Variants in AK5 observed in about 807,000 individuals in gnomAD.
The protein encoded by AK5 is adenylate kinase isoenzyme 5.
AK5 carries 27 observed loss-of-function variants against 69.5 expected under a neutral mutation model. The ratio of observed to expected loss-of-function variants is 0.39; its 90% confidence interval spans 0.29 to 0.54. AK5 has a LOEUF of 0.54. Ranked by LOEUF, AK5 falls within the 20% of genes least tolerant of loss-of-function variation. The pLI is 0.71. For synonymous variants in AK5, 260 were observed against 244.4 expected (o/e 1.06, Z -0.60); for missense variants, 531 against 700.4 (o/e 0.76, Z 2.73).
At chr1:77,461,876 C>T (rs1398642053) in intron 8 of AK5, among the ~76,000 whole-genome samples, 2 of 151,884 alleles carry the variant, frequency 1.3e-5, no homozygotes, top group Non-Finnish European at 2.9e-5. Context: ...TTAGTGTTCT[C>T]ACCACAAAAA....
chr1:77,502,216 C>G (rs1434868629), intron 10 of AK5, among the ~76,000 whole-genome samples: 1 of 152,172 alleles, frequency 6.6e-6, no homozygotes, highest in African/African-American at 2.4e-5. Flanking sequence ...GTATGACATG[C>G]TATGGCCTCA....
intron 10 of AK5, among the ~76,000 whole-genome samples, chr1:77,506,036 A>C (rs1393674884): frequency 6.6e-6 from 1 of 152,216 alleles, no homozygotes; most frequent in African/African-American, 2.4e-5. Context: ...AATCTGGAAG[A>C]GGCAGGGCAC....
chr1:77,518,354 AT>A (rs1657786195), intron 10 of AK5, among the ~76,000 whole-genome samples: 3 of 152,162 alleles, frequency 2.0e-5, no homozygotes, highest in South Asian at 4.1e-4. Flanking sequence ...CTCCCGCTTC[AT>A]GGATAATCTA....
chr1:77,391,435 A>ACACATATATG (rs1229581970), intron 6 of AK5, among the ~76,000 whole-genome samples: 1 of 103,058 alleles, frequency 9.7e-6, no homozygotes, highest in African/African-American at 4.5e-5. Context: ...ATATATACAT[A>ACACATATATG]TATACATATA....
In AK5 at chr1:77,393,338, G is replaced by C. The variant is rs75842930; in HGVS notation, c.892-17643G>C. ...AGCAATTCATTTATTCACTTGCAGG[G>C]CATCTCCTTTAAGTTAGTGTCTGCT... On this transcript the variant is annotated intron_variant, in intron 6 of 13. Transcript: ENST00000354567. Among the ~76,000 whole-genome samples, 45 of 152,220 alleles carry C rather than the reference G, an allele frequency of 3.0e-4. No individual in the cohort carries two copies. In the East Asian group the frequency reaches 7.9e-3, roughly 27 times the overall value.
At chr1:77,508,594 C>T (rs1438584367) in intron 10 of AK5, among the ~76,000 whole-genome samples, 4 of 152,162 alleles carry the variant, frequency 2.6e-5, no homozygotes, top group African/African-American at 7.2e-5. Context: ...AGGCTGGGCA[C>T]GGTGGCTCTC....
intron 6 of AK5, among the ~76,000 whole-genome samples, chr1:77,380,022 G>A (rs745924400): frequency 1.3e-5 from 2 of 152,220 alleles, no homozygotes; most frequent in Non-Finnish European, 2.9e-5. Flanking sequence ...AAATCCTGAA[G>A]TGTCCCACTG....
chr1:77,475,436 T>TA (rs1491476908), intron 8 of AK5, among the ~76,000 whole-genome samples: 1 of 3,440 alleles, frequency 2.9e-4, no homozygotes, highest in Non-Finnish European at 8.5e-4. Flanking sequence ...TATATATATG[T>TA]ATATATATTA....
chr1:77,301,181 C>T (rs920723987), intron 5 of AK5, among the ~76,000 whole-genome samples: 2 of 152,160 alleles, frequency 1.3e-5, no homozygotes, highest in African/African-American at 4.8e-5. Flanking sequence ...GACTGGGCAG[C>T]TTTTTTCCTT....
At chr1:77,473,568 A>G (rs1206608543) in intron 8 of AK5, among the ~76,000 whole-genome samples, 1 of 152,146 alleles carries the variant, frequency 6.6e-6, no homozygotes, top group Non-Finnish European at 1.5e-5. Context: ...CTATGCACTG[A>G]TATTACTTCT....
chr1:77,283,740 G>A, intron 1 of AK5: 1 of 534,972 alleles, frequency 1.9e-6, no homozygotes. Flanking sequence ...AATCTTAAGA[G>A]TTGTTTTTTT....
chr1:77,400,582 CA>C (rs761232465), intron 6 of AK5, among the ~76,000 whole-genome samples: 1 of 152,112 alleles, frequency 6.6e-6, no homozygotes, highest in African/African-American at 2.4e-5. Flanking sequence ...TAGGAATAAT[CA>C]AAGTTATCTT....
chr1:77,379,726 GA>G (rs1391004080), intron 6 of AK5, among the ~76,000 whole-genome samples: 1 of 152,180 alleles, frequency 6.6e-6, no homozygotes, highest in Non-Finnish European at 1.5e-5. Context: ...TAAATGTAAG[GA>G]ACAGAAACAA....
intron 5 of AK5, among the ~76,000 whole-genome samples, chr1:77,308,759 T>C (rs1375290850): frequency 6.6e-6 from 1 of 151,792 alleles, no homozygotes; most frequent in Non-Finnish European, 1.5e-5. Context: ...TTATTGAAAA[T>C]GGAGTTCAAG....
At chr1:77,367,918 GTGATATATA>G (rs1216780438) in intron 6 of AK5, among the ~76,000 whole-genome samples, 6 of 34,104 alleles carry the variant, frequency 1.8e-4, no homozygotes, top group Non-Finnish European at 3.8e-4. Flanking sequence ...TAAAATATAT[GTGATATATA>G]TTATATATAA....
At chr1:77,498,695 T>G (rs1050176169) in intron 10 of AK5, among the ~76,000 whole-genome samples, 2 of 152,100 alleles carry the variant, frequency 1.3e-5, no homozygotes, top group East Asian at 3.9e-4. Context: ...AGGTACTCTA[T>G]GCAGAGTGAA....
At chr1:77,533,822 G>A (rs1213869290) in intron 12 of AK5, among the ~76,000 whole-genome samples, 2 of 152,124 alleles carry the variant, frequency 1.3e-5, no homozygotes, top group African/African-American at 4.8e-5. Flanking sequence ...GCTGTCTCAT[G>A]CAACCCTAAC....
At chr1:77,325,153 G>T (rs1660733452) in intron 5 of AK5, among the ~76,000 whole-genome samples, 1 of 142,070 alleles carries the variant, frequency 7.0e-6, no homozygotes. Flanking sequence ...AATTTTTGTA[G>T]GTTTTTTGTT....
intron 8 of AK5, among the ~76,000 whole-genome samples, chr1:77,469,700 C>T (rs917872454): frequency 6.6e-6 from 1 of 152,214 alleles, no homozygotes. Context: ...AAACTGTGCT[C>T]CATATGGTCC....
Sources: gnomAD v4.1 joint callset for allele counts (sites outside exome capture counted in the v4.1 genomes callset) on GRCh38, gnomAD v4.1.1 for gene constraint, MANE v1.5 for transcripts, NCBI Gene and HGNC (gene_info 2026-07-23, HGNC 2026-07-21) for gene names.